The following DLGAP3 variants were observed in gnomAD, a reference collection of about 807,000 sequenced individuals.
DLGAP3 encodes the protein disks large-associated protein 3.
In DLGAP3, 17 loss-of-function variants were observed where a neutral mutation model predicts 81.2. The ratio of observed to expected loss-of-function variants is 0.21; its 90% CI spans 0.14 to 0.31. The LOEUF (loss-of-function observed/expected upper bound fraction) is 0.31, where lower values mean the gene tolerates loss of function less well. DLGAP3 is among the 10% of genes least tolerant of loss of function. The probability of loss-of-function intolerance (pLI) is 1.00; values close to 1 mark genes in which losing one functional copy is unlikely to be tolerated. For synonymous variants in DLGAP3, 577 were observed against 587.4 expected, an observed-to-expected ratio of 0.98 and a Z score of 0.26; for missense variants, 1,124 against 1,388.0, an observed-to-expected ratio of 0.81 and a Z score of 3.02.
chr1:34,896,616 C>A (rs1315106785), intron 5 of DLGAP3, among the ~76,000 whole-genome samples: 1 of 149,420 alleles, frequency 6.7e-6, no homozygotes, highest in African/African-American at 2.4e-5. Flanking sequence ...CACACACACA[C>A]AAAATCAAAC....
rs1285173613 is a variant in DLGAP3, at chr1:34,905,247, C to T, written c.137G>A (p.Arg46His). 8 of 1,383,644 alleles carry T rather than the reference C, an allele frequency of 5.8e-6. No homozygotes were observed. The highest frequency in any genetic ancestry group is 3.5e-5 in the South Asian group (3 of 84,790). 85.7% of individuals were successfully genotyped at this position (1,383,644 alleles called of 1,614,324 possible). A position where few individuals can be genotyped will look rare whatever the true frequency, so the allele number is the denominator to read the frequency against. ...CAGGCCAGCTCTCGGGGCACAGAAG[C>T]GGGGCTCGGTGGAGAAGGCCTCCCT... ...GSREAFSTEP[R>H]FCAPRAGLGH... The change falls in exon 3 of 12, where the codon CGC becomes CAC. Residue 46 changes from arginine (R) to histidine (H), a missense_variant. Coordinates refer to ENST00000373347, the MANE Select transcript of DLGAP3 (RefSeq NM_001080418.3).
At chr1:34,870,832 G>A (rs1484585104) in intron 8 of DLGAP3, among the ~76,000 whole-genome samples, 1 of 152,148 alleles carries the variant, frequency 6.6e-6, no homozygotes, top group African/African-American at 2.4e-5. Context: ...GAAGAGCACG[G>A]GGCCAGGAGT....
chr1:34,916,046 A>T (rs1639711836), intron 1 of DLGAP3, among the ~76,000 whole-genome samples: 1 of 152,094 alleles, frequency 6.6e-6, no homozygotes, highest in Admixed American at 6.6e-5. Flanking sequence ...GATTCAGGGG[A>T]TCTATCTCTG....
In DLGAP3 at chr1:34,904,899, G is replaced by A; in HGVS notation, c.485C>T (p.Pro162Leu). The change falls in exon 3 of 12, where the codon CCC becomes CTC. Residue 162 changes from proline to leucine, a missense_variant. Physicochemically the swap from Pro to Leu is moderately conservative, Grantham distance 98. This residue lies in a region of DLGAP3 where 65 missense variants were observed against 78.2 expected (regional missense o/e 0.83). Coordinates refer to ENST00000373347, the MANE Select transcript of DLGAP3 (RefSeq NM_001080418.3). The surrounding 1 kb of genome is among the most constrained non-coding windows in gnomAD (Gnocchi z 8.1). ...PAPGTGTAPE[P>L]RSESPSRIRH... ...GATGCGGCTAGGGCTCTCACTGCGG[G>A]GCTCTGGGGCAGTGCCCGTCCCTGG... 6.2e-7 allele frequency: 1 copy of A among 1,611,374 alleles called. No homozygotes were observed. The highest frequency in any genetic ancestry group is 8.5e-7 in the Non-Finnish European group (1 of 1,180,000).
In DLGAP3 at chr1:34,905,511, G is replaced by C. The variant is rs1387482159; in HGVS notation, c.-51-77C>G. The C allele has an allele frequency of 5.0e-6, 5 of 1,008,134 alleles. No individual in the cohort carries two copies. The African/African-American group carries it at 8.1e-5, about 16-fold the overall frequency. The allele number at this position is 1,008,134 out of a possible 1,614,324, so 62.4% of individuals were successfully genotyped here. On this transcript the variant is annotated intron_variant, in intron 2 of 11. Coordinates refer to ENST00000373347, the MANE Select transcript of DLGAP3 (RefSeq NM_001080418.3). ...AAACCATCTTTTATTAGGCATCCTTGTATCCCTTTAGGTAATACATATCAA... is the reference window on the plus strand; with the variant it reads ...AAACCATCTTTTATTAGGCATCCTTCTATCCCTTTAGGTAATACATATCAA...
chr1:34,870,768 T>C (rs781603542), intron 8 of DLGAP3, among the ~76,000 whole-genome samples: 4 of 152,216 alleles, frequency 2.6e-5, no homozygotes, highest in Non-Finnish European at 5.9e-5. Flanking sequence ...TCTGCCCTGA[T>C]GATTAGACTG....
chr1:34,866,943 C>G lies in DLGAP3; in HGVS notation c.2721+105G>C. The G allele has an allele frequency of 8.2e-6, 11 of 1,345,644 alleles. No homozygotes were observed. In the South Asian group the frequency reaches 1.3e-4, roughly 16 times the overall value. The allele number at this position is 1,345,644 out of a possible 1,614,324, so 83.4% of individuals were successfully genotyped here. A position where few individuals can be genotyped will look rare whatever the true frequency, so the allele number is the denominator to read the frequency against. On this transcript the variant is annotated intron_variant, in intron 11 of 11. Coordinates refer to ENST00000373347, the MANE Select transcript of DLGAP3 (RefSeq NM_001080418.3). ...CCTGTCCAAGGCTGCCCTTGCTGCC[C>G]ATGGATCCCTTCCCCTGCCCCCTTG... is the stretch of plus-strand genomic sequence containing the variant.
At chr1:34,874,079 G>T (rs937427158) in intron 8 of DLGAP3, among the ~76,000 whole-genome samples, 3 of 152,200 alleles carry the variant, frequency 2.0e-5, no homozygotes, top group Non-Finnish European at 4.4e-5. Flanking sequence ...AAAGGAGGGG[G>T]TATGCCCTTC....
At position 34,911,022 on chromosome 1, in the gene DLGAP3, A is replaced by C. The variant is rs867975861; in HGVS notation, c.-134-3585T>G. 8.1e-3 allele frequency among the ~76,000 whole-genome samples: 1,061 copies of C among 131,340 alleles called. 1 individual carries two copies. Among genetic ancestry groups the C allele is most frequent in the Admixed American group, 0.016 (190 of 12,162 alleles). The allele number at this position is 131,340 out of a possible 152,430, so 86.2% of individuals were successfully genotyped here. On this transcript the variant is annotated intron_variant, in intron 1 of 11. Coordinates refer to ENST00000373347, the MANE Select transcript of DLGAP3 (RefSeq NM_001080418.3). Reference sequence around the variant, plus strand: ...CTATTCCAAAGGATAGATATTATCCACCCCCCCCCCACCACCTTCCAGTGT... The same window carrying C: ...CTATTCCAAAGGATAGATATTATCCCCCCCCCCCCCACCACCTTCCAGTGT...
chr1:34,929,285 CG>C lies in DLGAP3; in HGVS notation c.-135+165del, dbSNP rs1639920416. Among the ~76,000 whole-genome samples, 1 of 150,796 alleles carries C rather than the reference CG, an allele frequency of 6.6e-6. No individual in the cohort carries two copies. Among genetic ancestry groups the C allele is most frequent in the Non-Finnish European group, 1.5e-5 (1 of 67,468 alleles). On this transcript the variant is annotated intron_variant, in intron 1 of 11. Coordinates refer to ENST00000373347, the MANE Select transcript of DLGAP3 (RefSeq NM_001080418.3). This position sits in a 1 kb window ranked among gnomAD's most constrained non-coding sequence, Gnocchi z 6.5. ...GCGGGCAGCCAGGCCGGGGCAGGAGCGGGGGCAGCTGAGGAGGCCCAGCCCC... is the reference window on the plus strand; with the variant it reads ...GCGGGCAGCCAGGCCGGGGCAGGAGCGGGGCAGCTGAGGAGGCCCAGCCCC...
intron 1 of DLGAP3, among the ~76,000 whole-genome samples, chr1:34,924,211 G>A (rs888761584): frequency 6.6e-6 from 1 of 152,170 alleles, no homozygotes; most frequent in Non-Finnish European, 1.5e-5. Flanking sequence ...AGATATCCAA[G>A]AGAACTAAAG....
At chr1:34,898,817 C>A (rs1639413102) in intron 5 of DLGAP3, among the ~76,000 whole-genome samples, 1 of 152,208 alleles carries the variant, frequency 6.6e-6, no homozygotes, top group South Asian at 2.1e-4. Flanking sequence ...GGAAAGTCTA[C>A]ACTTAGATAT....
At chr1:34,908,516 GA>G (rs57530653) in intron 1 of DLGAP3, among the ~76,000 whole-genome samples, 3,739 of 152,278 alleles carry the variant, frequency 0.025, 157 homozygotes, top group African/African-American at 0.085. Context: ...GTGGGAATAG[GA>G]GAGAGAAAAT....
intron 1 of DLGAP3, among the ~76,000 whole-genome samples, chr1:34,910,414 CA>C (rs1569654284): frequency 6.6e-6 from 1 of 152,226 alleles, no homozygotes; most frequent in East Asian, 1.9e-4. Flanking sequence ...CTCATCATGT[CA>C]CTTCTCTGCT....
chr1:34,889,773 A>G (rs777014626), intron 5 of DLGAP3, among the ~76,000 whole-genome samples: 17 of 152,354 alleles, frequency 1.1e-4, no homozygotes, highest in Non-Finnish European at 2.1e-4. Context: ...TGAGCTCACA[A>G]GAAAGCGAGA....
Position 34,866,201 on chromosome 1 carries a change from T to G in DLGAP3, c.2822A>C (p.Gln941Pro). Residue 941 changes from glutamine (Q) to proline (P), a missense_variant, in exon 12 of 12, where the codon CAG becomes CCG. By Grantham distance (76) the Gln-to-Pro change is moderately conservative. Transcript: ENST00000373347. ...RSLDSVDRQR[Q>P]EARKRLLAAK... ...CGCCAGGAGCCGCTTGCGCGCTTCC[T>G]GCCGCTGCCGGTCCACGGAGTCCAG... is the stretch of plus-strand genomic sequence containing the variant. The G allele has an allele frequency of 6.3e-7, 1 of 1,593,694 alleles. No homozygotes were observed. Among genetic ancestry groups the G allele is most frequent in the Non-Finnish European group, 8.5e-7 (1 of 1,175,716 alleles).
rs1638895028 is a variant in DLGAP3, at chr1:34,867,044, C to T, written c.2721+4G>A. On this transcript the variant is annotated splice_donor_region_variant and intron_variant, in intron 11 of 11. Transcript: ENST00000373347. This position sits in a 1 kb window ranked among gnomAD's most constrained non-coding sequence, Gnocchi z 4.3. ...CTCTTTGCCTGAAGGCACCCCAGCC[C>T]CACCTTAGGCTCCAGGAGTTTCCAG... 1.2e-6 allele frequency: 2 copies of T among 1,614,062 alleles called. No homozygotes were observed. Among genetic ancestry groups the T allele is most frequent in the African/African-American group, 1.3e-5 (1 of 75,050 alleles).
At chr1:34,916,976 G>A (rs1482160086) in intron 1 of DLGAP3, among the ~76,000 whole-genome samples, 1 of 152,126 alleles carries the variant, frequency 6.6e-6, no homozygotes, top group Non-Finnish European at 1.5e-5. Context: ...GGACTTACAG[G>A]CGTGAGCCAC....
Position 34,874,647 on chromosome 1 carries a change from A to C in DLGAP3, c.2001-5558T>G, listed in dbSNP as rs1016465028. On this transcript the variant is annotated intron_variant, in intron 8 of 11. Transcript: ENST00000373347. ...TTGTTATCATGGTTACTTCAGGGAGAGTTTCCACTGCGATTCTACTTCAGG... is the reference window on the plus strand; with the variant it reads ...TTGTTATCATGGTTACTTCAGGGAGCGTTTCCACTGCGATTCTACTTCAGG... 9.2e-5 allele frequency among the ~76,000 whole-genome samples: 14 copies of C among 152,128 alleles called. 1 individual carries two copies. The highest frequency in any genetic ancestry group is 2.1e-4 in the Non-Finnish European group (14 of 68,028).
Sources: gnomAD v4.1 joint callset for allele counts (sites outside exome capture counted in the v4.1 genomes callset) on GRCh38, gnomAD v4.1.1 for gene constraint, gnomAD v4.1.1 regional missense constraint, Gnocchi (gnomAD v3.1) non-coding constraint, MANE v1.5 for transcripts, NCBI Gene and HGNC (gene_info 2026-07-23, HGNC 2026-07-21) for gene names.